SCO1: variants seen among roughly 807,000 people sequenced by gnomAD.
SCO1 encodes the protein cytochrome c oxidase assembly factor SCO1.
A neutral mutation model predicts 34.0 loss-of-function variants in SCO1; 23 were observed. The ratio of observed to expected loss-of-function variants is 0.68; its 90% CI spans 0.49 to 0.96. The LOEUF is 0.96. Ranked by LOEUF, SCO1 falls within the 40% of genes least tolerant of loss-of-function variation. The probability of loss-of-function intolerance (pLI) is 0.00; values close to 1 mark genes in which losing one functional copy is unlikely to be tolerated. For synonymous variants in SCO1, 161 were observed against 145.5 expected (o/e 1.11, Z -0.77); for missense variants, 404 against 381.6 (o/e 1.06, Z -0.49).
chr17:10,693,483 G>A (rs1437208774), intron 2 of SCO1, among the ~76,000 whole-genome samples: 2 of 152,212 alleles, frequency 1.3e-5, no homozygotes, highest in Non-Finnish European at 2.9e-5. Context: ...AAGAGAGCTA[G>A]GCTGAACCCT....
chr17:10,696,071 TAAAAAAAAAAAAAAA>T (rs869243005), intron 1 of SCO1, among the ~76,000 whole-genome samples: 1 of 72,996 alleles, frequency 1.4e-5, no homozygotes, highest in Admixed American at 1.8e-4. Flanking sequence ...TTCATGTAAA[TAAAAAAAAAAAAAAA>T]AAAAAAAAAA....
rs771076090 is a variant in SCO1 at position 10,697,532 on chromosome 17, TG to T, written c.-26del. 6.2e-7 allele frequency: 1 copy of T among 1,612,544 alleles called. No individual in the cohort carries two copies. Among genetic ancestry groups the T allele is most frequent in the South Asian group, 1.1e-5 (1 of 90,888 alleles). ...TGAGCCTCGGAGACCGGGTCTCCTTTGACCCTCCCCGCGATTTCCGGTAGCG... is the reference window on the plus strand; with the variant it reads ...TGAGCCTCGGAGACCGGGTCTCCTTTACCCTCCCCGCGATTTCCGGTAGCG... On this transcript the variant is annotated 5_prime_UTR_variant, in exon 1 of 6. Coordinates refer to ENST00000255390, the MANE Select transcript of SCO1 (RefSeq NM_004589.4).
intron 4 of SCO1, among the ~76,000 whole-genome samples, chr17:10,690,030 A>T (rs1316352862): frequency 6.6e-6 from 1 of 152,234 alleles, no homozygotes; most frequent in East Asian, 1.9e-4. Flanking sequence ...TATTTTTATC[A>T]TATACAAAAA....
chr17:10,692,054 G>A (rs1012317241), intron 3 of SCO1, 90 bp from the exon 4 acceptor site: 5 of 903,024 alleles, frequency 5.5e-6, no homozygotes, highest in Non-Finnish European at 9.2e-6. Flanking sequence ...GGACGTGCTG[G>A]ACAGCTAGGT....
In SCO1 at chr17:10,674,684, G is replaced by A. The variant is rs146135358; in HGVS notation, c.*6435C>T. 180 of 152,660 alleles carry A rather than the reference G, an allele frequency of 1.2e-3. 1 individual carries two copies. The East Asian group carries it at 0.025, about 21-fold the overall frequency. 9.5% of individuals were successfully genotyped at this position (152,660 alleles called of 1,614,324 possible). On this transcript the variant is annotated 3_prime_UTR_variant, in exon 6 of 6. Coordinates refer to ENST00000255390, the MANE Select transcript of SCO1 (RefSeq NM_004589.4). ...TGTGTGACACGTCTGACATTGTGAT[G>A]GCGAAACCACCTCAAGGTCCTCACG...
rs1309868743 is a variant in SCO1, at chr17:10,680,926, A to G, written c.*193T>C. The G allele has an allele frequency of 7.4e-6, 5 of 671,330 alleles. No homozygotes were observed. The highest frequency in any genetic ancestry group is 1.3e-5 in the Non-Finnish European group (5 of 389,566). 41.6% of individuals were successfully genotyped at this position (671,330 alleles called of 1,614,324 possible). ...GCTTCCTGGGAGACTTTGGGTTGTA[A>G]TCTTTACAGTTCCAAGAATCAATTT... is the stretch of plus-strand genomic sequence containing the variant. On this transcript the variant is annotated 3_prime_UTR_variant, in exon 6 of 6. Coordinates refer to ENST00000255390, the MANE Select transcript of SCO1 (RefSeq NM_004589.4).
chr17:10,688,888 G>A lies in SCO1; in HGVS notation c.656-2046C>T, dbSNP rs552638323. Among the ~76,000 whole-genome samples the A allele has an allele frequency of 1.5e-3, 215 of 141,038 alleles. 19 individuals are homozygous for A. Among genetic ancestry groups the A allele is most frequent in the African/African-American group, 6.6e-3 (206 of 31,290 alleles). The allele number at this position is 141,038 out of a possible 152,430, so 92.5% of individuals were successfully genotyped here. A position where few individuals can be genotyped will look rare whatever the true frequency, so the allele number is the denominator to read the frequency against. On this transcript the variant is annotated intron_variant, in intron 4 of 5. Transcript: ENST00000255390. ...TCCCAGCACTTTGGGAGGCCGAGGC[G>A]GGCGGATCACGAGGTCAGGAGATCG... is the stretch of plus-strand genomic sequence containing the variant.
Position 10,697,515 on chromosome 17 carries a change from G to A in SCO1, c.-8C>T, listed in dbSNP as rs760177560. On this transcript the variant is annotated 5_prime_UTR_variant, in exon 1 of 6. Coordinates refer to ENST00000255390, the MANE Select transcript of SCO1 (RefSeq NM_004589.4). ...TAGGACCAGCATCGCCATGAGCCTC[G>A]GAGACCGGGTCTCCTTTGACCCTCC... 5.0e-6 allele frequency: 8 copies of A among 1,613,092 alleles called. No homozygotes were observed. The highest frequency in any genetic ancestry group is 4.5e-5 in the East Asian group (2 of 44,876).
chr17:10,681,091 A>T lies in SCO1; in HGVS notation c.*28T>A. 1 of 1,614,002 alleles carries T rather than the reference A, an allele frequency of 6.2e-7. No homozygotes were observed. The highest frequency in any genetic ancestry group is 8.5e-7 in the Non-Finnish European group (1 of 1,179,860). ...ACAGTTTCCTTCCTCTTAGCAAGAG[A>T]ATACTGCATCCAGCAACACTGCTTT... On this transcript the variant is annotated 3_prime_UTR_variant, in exon 6 of 6. Transcript: ENST00000255390.
At chr17:10,695,237 C>T (rs1035693736) in intron 2 of SCO1, among the ~76,000 whole-genome samples, 1 of 152,148 alleles carries the variant, frequency 6.6e-6, no homozygotes, top group African/African-American at 2.4e-5. Flanking sequence ...CTTGCTTTTG[C>T]TCTCACAACA....
intron 3 of SCO1, 28 bp from the exon 4 acceptor site, chr17:10,691,992 T>C (rs1411049263): frequency 1.4e-6 from 2 of 1,467,198 alleles, no homozygotes; most frequent in Non-Finnish European, 1.9e-6. Context: ...TTAGTCCGTA[T>C]TCACACCCTA....
At chr17:10,686,691 G>A in intron 5 of SCO1, 36 bp downstream of exon 5, 3 of 1,256,944 alleles carry the variant, frequency 2.4e-6, no homozygotes, top group Non-Finnish European at 3.5e-6. Context: ...GGATCTGGGA[G>A]CTGGTCCATG....
intron 5 of SCO1, among the ~76,000 whole-genome samples, chr17:10,683,339 T>C (rs1409825992): frequency 5.3e-5 from 8 of 152,212 alleles, no homozygotes; most frequent in South Asian, 2.1e-4. Context: ...AAATGGTTAC[T>C]GGATTTTCAG....
Position 10,673,027 on chromosome 17 carries a change from T to C in SCO1, c.*8092A>G, listed in dbSNP as rs2151446300. ...TTTTTCTTTTTTTTTTTTTTTGAGA[T>C]GGAGTCTTGCCCTGTTGCCAGGCTG... On this transcript the variant is annotated 3_prime_UTR_variant, in exon 6 of 6. Transcript: ENST00000255390. 6.8e-6 allele frequency: 1 copy of C among 148,100 alleles called. No individual in the cohort carries two copies. Among genetic ancestry groups the C allele is most frequent in the Middle Eastern group, 3.4e-3 (1 of 290 alleles). 9.2% of individuals were successfully genotyped at this position (148,100 alleles called of 1,614,324 possible). A position where few individuals can be genotyped will look rare whatever the true frequency, so the allele number is the denominator to read the frequency against.
intron 5 of SCO1, among the ~76,000 whole-genome samples, chr17:10,682,403 T>C (rs1451437637): frequency 6.6e-6 from 1 of 152,172 alleles, no homozygotes; most frequent in South Asian, 2.1e-4. Context: ...TGCTGTGGGA[T>C]AGTTCACCGC....
Position 10,676,871 on chromosome 17 carries a change from T to C in SCO1, c.*4248A>G, listed in dbSNP as rs1467518945. The C allele has an allele frequency of 1.3e-5, 2 of 152,314 alleles. No homozygotes were observed. Among genetic ancestry groups the C allele is most frequent in the Middle Eastern group, 3.4e-3 (1 of 294 alleles). The allele number at this position is 152,314 out of a possible 1,614,324, so 9.4% of individuals were successfully genotyped here. On this transcript the variant is annotated 3_prime_UTR_variant, in exon 6 of 6. Transcript: ENST00000255390. The stretch of plus-strand genomic sequence containing the variant: ...CTTTCAAATACATTGGAAAAGTATA[T>C]AGAAAATAATTACCCCTATAAGGTC...
Position 10,692,909 on chromosome 17 carries a change from C to T in SCO1, c.417G>A (p.Pro139=), listed in dbSNP as rs764615813. 1.4e-5 allele frequency: 22 copies of T among 1,613,954 alleles called. No individual in the cohort carries two copies. In the South Asian group the frequency reaches 1.8e-4, roughly 13 times the overall value. ...RHIGKPLLGG[P]FSLTTHTGER... is the part of the protein sequence containing the mutation. ...CCCCAGTATGAGTTGTGAGGGAAAA[C>T]GGTCCCCCAAGTAAAGGCTTGCCGA... Residue 139 remains proline (P), a synonymous_variant, in exon 3 of 6, where the codon CCG becomes CCA. Coordinates refer to ENST00000255390, the MANE Select transcript of SCO1 (RefSeq NM_004589.4).
chr17:10,686,635 C>G (rs2074658207), intron 5 of SCO1, 92 bp downstream of exon 5: 1 of 838,818 alleles, frequency 1.2e-6, no homozygotes, highest in African/African-American at 1.7e-5. Flanking sequence ...TAGGTATTCT[C>G]TCTTCTCAGA....
intron 1 of SCO1, 36 bp downstream of exon 1, chr17:10,697,199 C>T: frequency 6.7e-7 from 1 of 1,482,284 alleles, no homozygotes; most frequent in East Asian, 2.4e-5. Flanking sequence ...CCGACAGCCG[C>T]GACGAGCACC....
Sources: gnomAD v4.1 joint callset for allele counts (sites outside exome capture counted in the v4.1 genomes callset) on GRCh38, gnomAD v4.1.1 for gene constraint, MANE v1.5 for transcripts, NCBI Gene and HGNC (gene_info 2026-07-23, HGNC 2026-07-21) for gene names.